LRRTM3: variants seen among roughly 807,000 people sequenced by gnomAD.
The protein encoded by LRRTM3 is leucine rich repeat transmembrane neuronal 3, also known as leucine-rich repeat transmembrane neuronal protein 3.
In LRRTM3, 24 loss-of-function variants were observed where a neutral mutation model predicts 44.7. That is an observed-to-expected ratio of 0.54 (90% CI 0.39 to 0.76). LRRTM3 has a LOEUF of 0.76. Among genes scored for constraint, LRRTM3 ranks in the 30% least tolerant of loss-of-function variants. The pLI is 0.00. For synonymous variants in LRRTM3, 277 were observed against 278.7 expected (o/e 0.99, Z 0.06); for missense variants, 587 against 702.2 (o/e 0.84, Z 1.85).
chr10:67,064,782 A>T (rs1210096539), intron 2 of LRRTM3, among the ~76,000 whole-genome samples: 1 of 152,132 alleles, frequency 6.6e-6, no homozygotes, highest in African/African-American at 2.4e-5. Context: ...AGTAATTTCA[A>T]TCTCACTTTT....
At chr10:67,086,483 G>C (rs537343837) in intron 2 of LRRTM3, among the ~76,000 whole-genome samples, 1 of 151,972 alleles carries the variant, frequency 6.6e-6, no homozygotes, top group African/African-American at 2.4e-5. Flanking sequence ...TCAGCTGCTT[G>C]GGTTCAGCAA....
intron 2 of LRRTM3, among the ~76,000 whole-genome samples, chr10:67,030,606 T>C (rs945348486): frequency 1.3e-5 from 2 of 152,190 alleles, no homozygotes; most frequent in Non-Finnish European, 2.9e-5. Context: ...ATTTTGCATA[T>C]TTTCATGAAG....
At chr10:66,935,559 C>A (rs1241939487) in intron 2 of LRRTM3, among the ~76,000 whole-genome samples, 1 of 151,912 alleles carries the variant, frequency 6.6e-6, no homozygotes, top group African/African-American at 2.4e-5. Flanking sequence ...AAAGATCTTT[C>A]TAATATGGCA....
intron 2 of LRRTM3, among the ~76,000 whole-genome samples, chr10:66,973,273 T>C (rs1023397312): frequency 2.6e-5 from 4 of 152,150 alleles, no homozygotes; most frequent in Non-Finnish European, 5.9e-5. Flanking sequence ...GTATGAGTTT[T>C]GAAAAAGAAA....
chr10:67,088,958 A>C (rs1662534415), intron 2 of LRRTM3, among the ~76,000 whole-genome samples: 1 of 152,078 alleles, frequency 6.6e-6, no homozygotes, highest in Non-Finnish European at 1.5e-5. Context: ...ATTAATACGA[A>C]TAGAACAATA....
rs748259183 is a variant in LRRTM3, at chr10:67,051,449, CTTTTTTCTTTTTTCT to C, written c.1537-46131_1537-46117del. On this transcript the variant is annotated intron_variant, in intron 2 of 2. Coordinates refer to ENST00000361320, the MANE Select transcript of LRRTM3 (RefSeq NM_178011.5). Reference sequence around the variant, plus strand: ...TCTAATTTCCTTACACATCTTTTTTCTTTTTTCTTTTTTCTTTTTTTTTTTTTGGTGACGGAGTCT... The same window carrying C: ...TCTAATTTCCTTACACATCTTTTTTCTTTTTTTTTTTTGGTGACGGAGTCT... Among the ~76,000 whole-genome samples, 718 of 108,628 alleles carry C rather than the reference CTTTTTTCTTTTTTCT, an allele frequency of 6.6e-3. 1 individual carries two copies. The highest frequency in any genetic ancestry group is 0.013 in the South Asian group (40 of 3,016). 71.3% of individuals were successfully genotyped at this position (108,628 alleles called of 152,430 possible). A position where few individuals can be genotyped will look rare whatever the true frequency, so the allele number is the denominator to read the frequency against.
At chr10:67,019,922 T>C (rs940807223) in intron 2 of LRRTM3, among the ~76,000 whole-genome samples, 7 of 152,210 alleles carry the variant, frequency 4.6e-5, no homozygotes, top group Admixed American at 3.3e-4. Flanking sequence ...TGAGATTAAA[T>C]GCATTTATGA....
At chr10:67,017,752 T>TGC (rs1491269527) in intron 2 of LRRTM3, among the ~76,000 whole-genome samples, 47 of 145,952 alleles carry the variant, frequency 3.2e-4, no homozygotes, top group African/African-American at 1.0e-3. Flanking sequence ...TGTGTGTGTG[T>TGC]GCGCGCGTAC....
chr10:67,023,777 TTAACA>T (rs1245214516), intron 2 of LRRTM3, among the ~76,000 whole-genome samples: 2 of 152,300 alleles, frequency 1.3e-5, no homozygotes, highest in South Asian at 2.1e-4. Flanking sequence ...TGGATTTTAC[TTAACA>T]TAATATACAA....
At position 66,927,888 on chromosome 10, in the gene LRRTM3, A is replaced by T; in HGVS notation, c.972A>T (p.Val324=). The T allele has an allele frequency of 3.1e-6, 5 of 1,614,234 alleles. No homozygotes were observed. Among genetic ancestry groups the T allele is most frequent in the Non-Finnish European group, 4.2e-6 (5 of 1,180,036 alleles). ...GCAGCAGAAATATTTGCTCCCTTGT[A>T]AACTGGCTGAAAAGTTTTAAAGGTC... ...WECSRNICSL[V]NWLKSFKGLR... Residue 324 remains valine, a synonymous_variant, in exon 2 of 3, where the codon GTA becomes GTT. Coordinates refer to ENST00000361320, the MANE Select transcript of LRRTM3 (RefSeq NM_178011.5). This position sits in a 1 kb window ranked among gnomAD's most constrained non-coding sequence, Gnocchi z 4.7.
At chr10:67,052,512 A>C (rs1340898759) in intron 2 of LRRTM3, 1 of 152,220 alleles carries the variant, frequency 6.6e-6, no homozygotes, top group Non-Finnish European at 1.5e-5. Context: ...ACCACAGCAG[A>C]GAGCACATGG....
Position 67,045,515 on chromosome 10 carries a change from C to T in LRRTM3, c.1537-52072C>T, listed in dbSNP as rs184674805. On this transcript the variant is annotated intron_variant, in intron 2 of 2. Transcript: ENST00000361320. ...TCGCGGCGAGGGAACTGTTCTGCTA[C>T]GTAGGAAACCCCGACCCAGAAGCAG... Among the ~76,000 whole-genome samples the T allele has an allele frequency of 6.9e-3, 1,054 of 152,220 alleles. 16 individuals are homozygous for T. Among genetic ancestry groups the T allele is most frequent in the African/African-American group, 0.024 (1,014 of 41,520 alleles).
chr10:66,984,884 T>C (rs1660710872), intron 2 of LRRTM3, among the ~76,000 whole-genome samples: 1 of 152,178 alleles, frequency 6.6e-6, no homozygotes, highest in Non-Finnish European at 1.5e-5. Context: ...CATTTTTTGC[T>C]CTGTTTTGGT....
At chr10:66,999,191 A>C (rs1180062145) in intron 2 of LRRTM3, among the ~76,000 whole-genome samples, 1 of 152,134 alleles carries the variant, frequency 6.6e-6, no homozygotes, top group Non-Finnish European at 1.5e-5. Context: ...ATATTTCATT[A>C]AGACTTCAGT....
At position 66,928,067 on chromosome 10, in the gene LRRTM3, T is replaced by C. The variant is rs1589436662; in HGVS notation, c.1151T>C (p.Leu384Pro). The C allele has an allele frequency of 6.2e-7, 1 of 1,613,844 alleles. No homozygotes were observed. Among genetic ancestry groups the C allele is most frequent in the Non-Finnish European group, 8.5e-7 (1 of 1,180,004 alleles). ...ALPKPTFKPKLPRPKHESKPP... is the reference protein window; with the variant it reads ...ALPKPTFKPKPPRPKHESKPP... ...CCAAAGCCGACGTTTAAGCCCAAGC[T>C]CCCCAGGCCGAAGCATGAGAGCAAA... is the stretch of plus-strand genomic sequence containing the variant. Residue 384 changes from leucine (L) to proline (P), a missense_variant, in exon 2 of 3, where the codon CTC (leucine) becomes CCC (proline). Leu to Pro is a moderately conservative substitution (Grantham distance 98, BLOSUM62 -3). Transcript: ENST00000361320.
In LRRTM3 at chr10:66,926,487, C is replaced by T. The variant is rs1173600112; in HGVS notation, c.-97C>T. On this transcript the variant is annotated 5_prime_UTR_variant, in exon 1 of 3. Transcript: ENST00000361320. Reference sequence around the variant, plus strand: ...ATTTTTCTTCCTGGGTGTCAGCGAGCCCTGACTCACTACAGTGCAGCTGAC... The same window carrying T: ...ATTTTTCTTCCTGGGTGTCAGCGAGTCCTGACTCACTACAGTGCAGCTGAC... The T allele has an allele frequency of 7.1e-7, 1 of 1,408,842 alleles. No individual in the cohort carries two copies. The highest frequency in any genetic ancestry group is 1.8e-4 in the Middle Eastern group (1 of 5,526). 87.3% of individuals were successfully genotyped at this position (1,408,842 alleles called of 1,614,324 possible). A position where few individuals can be genotyped will look rare whatever the true frequency, so the allele number is the denominator to read the frequency against.
At chr10:66,952,560 C>G (rs573364697) in intron 2 of LRRTM3, among the ~76,000 whole-genome samples, 1 of 151,914 alleles carries the variant, frequency 6.6e-6, no homozygotes, top group Admixed American at 6.6e-5. Flanking sequence ...TGTGGAGGCA[C>G]GCACACATGC....
At chr10:67,040,978 C>T (rs1266425273) in intron 2 of LRRTM3, among the ~76,000 whole-genome samples, 2 of 151,872 alleles carry the variant, frequency 1.3e-5, no homozygotes, top group African/African-American at 4.8e-5. Flanking sequence ...GTGATATAAG[C>T]ATTTTATACT....
intron 2 of LRRTM3, among the ~76,000 whole-genome samples, chr10:67,009,883 C>T (rs1852217923): frequency 6.6e-6 from 1 of 152,116 alleles, no homozygotes; most frequent in South Asian, 2.1e-4. Flanking sequence ...TTTGTACGTA[C>T]TGTCTCTTCT....
Sources: allele counts gnomAD v4.1 joint callset (sites outside exome capture counted in the v4.1 genomes callset), GRCh38; gene constraint gnomAD v4.1.1; non-coding constraint Gnocchi (gnomAD v3.1); transcripts MANE v1.5; gene names NCBI Gene and HGNC (gene_info 2026-07-23, HGNC 2026-07-21).